FRS2: variants seen among roughly 807,000 people sequenced by gnomAD.
The protein encoded by FRS2 is FGFR signalling adaptor.
Under a neutral mutation model 43.9 loss-of-function variants are expected in FRS2, and 8 were observed. The ratio of observed to expected loss-of-function variants is 0.18; its 90% CI spans 0.11 to 0.33. The LOEUF is 0.33. FRS2 is among the 10% of genes least tolerant of loss of function. The probability of loss-of-function intolerance (pLI) is 1.00; values close to 1 mark genes in which losing one functional copy is unlikely to be tolerated. For missense variants in FRS2, 534 were observed against 627.6 expected (o/e 0.85, Z 1.59); for synonymous variants, 219 against 220.3 (o/e 0.99, Z 0.05).
At chr12:69,538,007 G>C (rs1877472880) in intron 3 of FRS2, 1 of 152,262 alleles carries the variant, frequency 6.6e-6, no homozygotes, top group African/African-American at 2.4e-5. Context: ...TCATTCATTT[G>C]TACTTTGTGG....
chr12:69,505,656 A>G (rs1873861766), intron 1 of FRS2, among the ~76,000 whole-genome samples: 2 of 152,236 alleles, frequency 1.3e-5, no homozygotes, highest in African/African-American at 4.8e-5. Flanking sequence ...TCTCATTTCC[A>G]ATTTGAGATT....
intron 1 of FRS2, among the ~76,000 whole-genome samples, chr12:69,481,050 A>C (rs147229592): frequency 1.6e-3 from 240 of 152,352 alleles, no homozygotes; most frequent in Middle Eastern, 0.01. Flanking sequence ...AAATAATTTC[A>C]AACTTACAGG....
chr12:69,474,641 AC>A (rs1870602646), intron 1 of FRS2, among the ~76,000 whole-genome samples: 1 of 152,138 alleles, frequency 6.6e-6, no homozygotes, highest in African/African-American at 2.4e-5. Flanking sequence ...TGCTATCTTT[AC>A]CCTGTTTCAG....
intron 7 of FRS2, 92 bp downstream of exon 7, chr12:69,571,526 A>G (rs1880757189): frequency 2.0e-6 from 2 of 993,834 alleles, no homozygotes; most frequent in African/African-American, 3.3e-5. Context: ...CACACTAGAA[A>G]TCACCACTGG....
chr12:69,571,492 A>G lies in FRS2; in HGVS notation c.412+58A>G, dbSNP rs1326987548. 4 of 1,283,460 alleles carry G rather than the reference A, an allele frequency of 3.1e-6. No homozygotes were observed. In the East Asian group the frequency reaches 9.3e-5, roughly 30 times the overall value. The allele number at this position is 1,283,460 out of a possible 1,614,324, so 79.5% of individuals were successfully genotyped here. A position where few individuals can be genotyped will look rare whatever the true frequency, so the allele number is the denominator to read the frequency against. On this transcript the variant is annotated intron_variant, in intron 7 of 8. Coordinates refer to ENST00000549921, the MANE Select transcript of FRS2 (RefSeq NM_001278356.2). Reference sequence around the variant, plus strand: ...TAACAGACGTTTAGTTGTAAGCTATAGATTGTGGGTATTTAATCAATAACA... The same window carrying G: ...TAACAGACGTTTAGTTGTAAGCTATGGATTGTGGGTATTTAATCAATAACA...
At chr12:69,539,751 C>T (rs1396951141) in intron 3 of FRS2, among the ~76,000 whole-genome samples, 17 of 151,326 alleles carry the variant, frequency 1.1e-4, no homozygotes, top group African/African-American at 2.7e-4. Context: ...GTCAGGAGTT[C>T]GAGACCAGCC....
chr12:69,578,267 C>A lies in FRS2; in HGVS notation c.*3312C>A, dbSNP rs1593086715. On this transcript the variant is annotated 3_prime_UTR_variant, in exon 9 of 9. Coordinates refer to ENST00000549921, the MANE Select transcript of FRS2 (RefSeq NM_001278356.2). Reference sequence around the variant, plus strand: ...CATCAGAGACATCATTCACAAGTAACTGATGTATTGGCATCTCATTCATAT... The same window carrying A: ...CATCAGAGACATCATTCACAAGTAAATGATGTATTGGCATCTCATTCATAT... The A allele has an allele frequency of 6.6e-6, 1 of 152,552 alleles. No individual in the cohort carries two copies. The highest frequency in any genetic ancestry group is 1.9e-4 in the East Asian group (1 of 5,200). 9.4% of individuals were successfully genotyped at this position (152,552 alleles called of 1,614,324 possible). A position where few individuals can be genotyped will look rare whatever the true frequency, so the allele number is the denominator to read the frequency against.
intron 1 of FRS2, among the ~76,000 whole-genome samples, chr12:69,474,231 G>T (rs935958528): frequency 3.3e-5 from 5 of 152,144 alleles, no homozygotes; most frequent in African/African-American, 1.2e-4. Context: ...ATCAGTTTTG[G>T]ATTTGTTGAC....
At chr12:69,501,931 G>C (rs532528337) in intron 1 of FRS2, among the ~76,000 whole-genome samples, 2 of 152,062 alleles carry the variant, frequency 1.3e-5, no homozygotes, top group African/African-American at 4.8e-5. Context: ...TGAAACAACT[G>C]TATGGAGAAA....
chr12:69,570,623 AATAAAC>A lies in FRS2; in HGVS notation c.253+108_253+113del, dbSNP rs545375580. On this transcript the variant is annotated intron_variant, in intron 6 of 8. Coordinates refer to ENST00000549921, the MANE Select transcript of FRS2 (RefSeq NM_001278356.2). ...ATTTTTCTTCTGAAAAAAATCCCAA[AATAAAC>A]AGATTGTTAAGGAAAGATATAGTAT... 227 of 676,564 alleles carry A rather than the reference AATAAAC, an allele frequency of 3.4e-4. 2 individuals are homozygous for A. The highest frequency in any genetic ancestry group is 2.1e-3 in the African/African-American group (115 of 55,194). The allele number at this position is 676,564 out of a possible 1,614,324, so 41.9% of individuals were successfully genotyped here.
chr12:69,557,619 T>TGTGTGCGCGTGC (rs1555192498), intron 3 of FRS2, among the ~76,000 whole-genome samples: 2 of 118,966 alleles, frequency 1.7e-5, no homozygotes, highest in African/African-American at 5.7e-5. Flanking sequence ...TGTGTGTGTG[T>TGTGTGCGCGTGC]GCGCGCGCGC....
At chr12:69,471,608 G>A (rs1048782162) in intron 1 of FRS2, among the ~76,000 whole-genome samples, 24 of 152,232 alleles carry the variant, frequency 1.6e-4, no homozygotes, top group African/African-American at 5.8e-4. Context: ...AAGTGATGTA[G>A]GTAGGTTTAG....
intron 5 of FRS2, 139 bp from the exon 6 acceptor site, chr12:69,570,192 T>TA (rs1880630845): frequency 3.1e-6 from 2 of 649,876 alleles, no homozygotes; most frequent in East Asian, 5.4e-5. Flanking sequence ...AACTGGGTGT[T>TA]ACACGGCTAC....
chr12:69,498,571 C>T lies in FRS2; in HGVS notation c.-261+28041C>T, dbSNP rs1044537217. Among the ~76,000 whole-genome samples, 10 of 108,552 alleles carry T rather than the reference C, an allele frequency of 9.2e-5. 1 individual carries two copies. In the East Asian group the frequency reaches 1.2e-3, roughly 13 times the overall value. 71.2% of individuals were successfully genotyped at this position (108,552 alleles called of 152,430 possible). A position where few individuals can be genotyped will look rare whatever the true frequency, so the allele number is the denominator to read the frequency against. On this transcript the variant is annotated intron_variant, in intron 1 of 8. Transcript: ENST00000549921. ...TGTGTGTTTGGTTTTTTGTTTGTTT[C>T]GTTTTTTTTTAGCTCATCAGCTCTT...
intron 3 of FRS2, among the ~76,000 whole-genome samples, chr12:69,560,710 T>C (rs1879807564): frequency 6.6e-6 from 1 of 152,222 alleles, no homozygotes; most frequent in Non-Finnish European, 1.5e-5. Flanking sequence ...TAGTTTGCTA[T>C]AGAAAAATAG....
At chr12:69,547,784 CAA>C (rs918086851) in intron 3 of FRS2, among the ~76,000 whole-genome samples, 72 of 146,442 alleles carry the variant, frequency 4.9e-4, no homozygotes, top group African/African-American at 1.7e-3. Context: ...ACTGTTTTTT[CAA>C]AGTCATGAAT....
At chr12:69,523,930 C>T (rs540769523) in intron 1 of FRS2, among the ~76,000 whole-genome samples, 3 of 152,232 alleles carry the variant, frequency 2.0e-5, no homozygotes, top group Admixed American at 6.5e-5. Context: ...AGGGTGATAG[C>T]AGCAGGCTTG....
intron 1 of FRS2, among the ~76,000 whole-genome samples, chr12:69,490,996 T>C (rs990715597): frequency 1.3e-5 from 2 of 152,256 alleles, no homozygotes; most frequent in Non-Finnish European, 2.9e-5. Flanking sequence ...AAAGGGCTTA[T>C]TGTGAAAAGC....
chr12:69,522,518 A>G (rs1231931327), intron 1 of FRS2, among the ~76,000 whole-genome samples: 1 of 151,838 alleles, frequency 6.6e-6, no homozygotes, highest in Admixed American at 6.6e-5. Context: ...CTAGCAGTCT[A>G]TCTATTAATT....
Sources: allele counts gnomAD v4.1 joint callset (sites outside exome capture counted in the v4.1 genomes callset), GRCh38; gene constraint gnomAD v4.1.1; transcripts MANE v1.5; gene names NCBI Gene and HGNC (gene_info 2026-07-23, HGNC 2026-07-21).